The following KATNAL2 variants were observed in gnomAD, a reference collection of about 807,000 sequenced individuals.
KATNAL2 encodes the protein katanin p60 ATPase-containing subunit A-like 2.
Under a neutral mutation model 76.3 loss-of-function variants are expected in KATNAL2, and 52 were observed. The ratio of observed to expected loss-of-function variants is 0.68; its 90% confidence interval spans 0.55 to 0.86. The LOEUF is 0.86. KATNAL2 is among the 40% of genes least tolerant of loss of function. KATNAL2 has a pLI of 0.00. For synonymous variants in KATNAL2, 243 were observed against 244.2 expected (o/e 1.00, Z 0.05); for missense variants, 660 against 668.9 (o/e 0.99, Z 0.15).
intron 1 of KATNAL2, among the ~76,000 whole-genome samples, chr18:46,941,862 A>G (rs934277196): frequency 6.6e-6 from 1 of 152,198 alleles, no homozygotes; most frequent in Non-Finnish European, 1.5e-5. Context: ...AGTTACTTCT[A>G]TAGAAGGGTG....
intron 1 of KATNAL2, among the ~76,000 whole-genome samples, chr18:46,928,125 TGAG>T (rs1293702162): frequency 6.6e-6 from 1 of 152,222 alleles, no homozygotes. Flanking sequence ...CCGTTGCTGG[TGAG>T]GAGCTGCGTT....
chr18:46,960,255 TGGTGAAACCTC>T (rs2059895976), intron 3 of KATNAL2, among the ~76,000 whole-genome samples: 2 of 151,976 alleles, frequency 1.3e-5, no homozygotes. Context: ...CTCACCAACA[TGGTGAAACCTC>T]ATCTCTACTA....
intron 1 of KATNAL2, among the ~76,000 whole-genome samples, chr18:46,942,348 G>A (rs1568996892): frequency 6.6e-6 from 1 of 152,278 alleles, no homozygotes; most frequent in East Asian, 1.9e-4. Flanking sequence ...CAGGCATGGT[G>A]GCTCACGCCT....
chr18:47,068,165 A>G (rs1488787430), intron 11 of KATNAL2, among the ~76,000 whole-genome samples: 2 of 152,202 alleles, frequency 1.3e-5, no homozygotes, highest in Non-Finnish European at 2.9e-5. Context: ...CCCAGATTCA[A>G]ATGTTGGAGA....
intron 3 of KATNAL2, among the ~76,000 whole-genome samples, chr18:46,952,777 T>C (rs1164815650): frequency 6.6e-6 from 1 of 152,018 alleles, no homozygotes; most frequent in Non-Finnish European, 1.5e-5. Context: ...CTTTCTTTCG[T>C]CTCTCTGAGG....
At chr18:47,056,932 A>G (rs12962971) in intron 6 of KATNAL2, among the ~76,000 whole-genome samples, 1 of 152,050 alleles carries the variant, frequency 6.6e-6, no homozygotes, top group Admixed American at 6.6e-5. Context: ...TTTCATAGAT[A>G]TTTTATTTTT....
chr18:46,961,552 A>C (rs2059953337), intron 3 of KATNAL2, among the ~76,000 whole-genome samples: 1 of 152,216 alleles, frequency 6.6e-6, no homozygotes, highest in Admixed American at 6.5e-5. Context: ...CAATAAACTT[A>C]CAATGAGGGT....
chr18:46,923,180 C>T (rs1174251014), intron 1 of KATNAL2, among the ~76,000 whole-genome samples: 1 of 150,830 alleles, frequency 6.6e-6, no homozygotes, highest in Admixed American at 6.6e-5. Context: ...CGTCATTTAG[C>T]ATTAGGTATA....
intron 13 of KATNAL2, among the ~76,000 whole-genome samples, chr18:47,074,242 C>A (rs947909002): frequency 1.3e-5 from 2 of 152,164 alleles, no homozygotes; most frequent in Non-Finnish European, 2.9e-5. Context: ...AAGGGAGATG[C>A]TGGTGCATGC....
At chr18:47,081,067 CCCG>C (rs1398765209) in intron 15 of KATNAL2, among the ~76,000 whole-genome samples, 5 of 150,900 alleles carry the variant, frequency 3.3e-5, no homozygotes, top group African/African-American at 9.8e-5. Flanking sequence ...TTCTTTCTTT[CCCG>C]CCTTCTTCCC....
At chr18:46,934,092 G>C (rs958276277) in intron 1 of KATNAL2, among the ~76,000 whole-genome samples, 1 of 151,946 alleles carries the variant, frequency 6.6e-6, no homozygotes, top group Non-Finnish European at 1.5e-5. Flanking sequence ...ATTGTGAATA[G>C]TGCCGCTATA....
rs2061523831 is a variant in KATNAL2, at chr18:47,058,173, TTAAC to T, written c.333-59_333-56del. On this transcript the variant is annotated intron_variant, in intron 6 of 17. Coordinates refer to ENST00000683218, the MANE Select transcript of KATNAL2 (RefSeq NM_001387690.1). ...ATGTGCTATTCTTAAGAATAGTTGT[TTAAC>T]TACCTCAAATTAAGTGGCTAGAATA... The T allele has an allele frequency of 1.6e-5, 18 of 1,118,742 alleles. No individual in the cohort carries two copies. The South Asian group carries it at 2.3e-4, about 14-fold the overall frequency. The allele number at this position is 1,118,742 out of a possible 1,614,324, so 69.3% of individuals were successfully genotyped here.
At chr18:47,033,454 C>T (rs762789680) in intron 3 of KATNAL2, 1 of 1,614,000 alleles carries the variant, frequency 6.2e-7, no homozygotes, top group Non-Finnish European at 8.5e-7. Context: ...CTGCTCCCTC[C>T]AAGTTTTGTT....
chr18:47,086,113 T>C (rs1236700211), intron 15 of KATNAL2, among the ~76,000 whole-genome samples: 1 of 152,058 alleles, frequency 6.6e-6, no homozygotes, highest in Non-Finnish European at 1.5e-5. Flanking sequence ...AAAATGCTAT[T>C]GTGCTTTGTG....
chr18:47,040,662 A>C (rs1319677255), intron 3 of KATNAL2, among the ~76,000 whole-genome samples: 2 of 152,144 alleles, frequency 1.3e-5, no homozygotes, highest in Non-Finnish European at 2.9e-5. Context: ...GGCTGGGTGG[A>C]ATGGTGCACA....
chr18:46,943,553 A>T (rs2059305489), intron 1 of KATNAL2, among the ~76,000 whole-genome samples: 1 of 152,196 alleles, frequency 6.6e-6, no homozygotes, highest in South Asian at 2.1e-4. Flanking sequence ...AATGTTAGGA[A>T]GTTACCCAAT....
chr18:46,922,628 T>C (rs755578537), intron 1 of KATNAL2, among the ~76,000 whole-genome samples: 80 of 151,930 alleles, frequency 5.3e-4, no homozygotes, highest in Non-Finnish European at 9.3e-4. Context: ...ACCTCATGTC[T>C]ATCCGCTAAA....
chr18:46,953,185 C>T (rs748570454), intron 3 of KATNAL2, among the ~76,000 whole-genome samples: 1 of 152,204 alleles, frequency 6.6e-6, no homozygotes, highest in East Asian at 1.9e-4. Context: ...TGAGCCACCG[C>T]TCCCGGCACC....
intron 15 of KATNAL2, chr18:47,098,937 T>G (rs2063361143): frequency 4.1e-6 from 1 of 241,072 alleles, no homozygotes. Context: ...CGCATAAAAT[T>G]ACTTCCTTTT....
Sources: allele counts gnomAD v4.1 joint callset (sites outside exome capture counted in the v4.1 genomes callset), GRCh38; gene constraint gnomAD v4.1.1; transcripts MANE v1.5; gene names NCBI Gene and HGNC (gene_info 2026-07-23, HGNC 2026-07-21).